Variants in CTNNA3 observed in about 807,000 individuals in gnomAD.
The protein encoded by CTNNA3 is catenin alpha-3.
A neutral mutation model predicts 95.7 loss-of-function variants in CTNNA3; 76 were observed. That is an observed-to-expected ratio of 0.79 (90% confidence interval 0.66 to 0.96). The LOEUF is 0.96. Among genes scored for constraint, CTNNA3 ranks in the 40% least tolerant of loss-of-function variants. CTNNA3 has a pLI of 0.00. For missense variants in CTNNA3, 1,191 were observed against 1,089.8 expected, an observed-to-expected ratio of 1.09 and a Z score of -1.31; for synonymous variants, 431 against 374.4, an observed-to-expected ratio of 1.15 and a Z score of -1.74.
intron 5 of CTNNA3, among the ~76,000 whole-genome samples, chr10:67,409,201 G>A (rs1845271373): frequency 6.6e-6 from 1 of 152,048 alleles, no homozygotes; most frequent in South Asian, 2.1e-4. Flanking sequence ...TCTAGAGGCA[G>A]AACTACCATT....
intron 13 of CTNNA3, among the ~76,000 whole-genome samples, chr10:66,153,910 GT>G (rs992298350): frequency 6.6e-6 from 1 of 150,610 alleles, no homozygotes; most frequent in East Asian, 2.0e-4. Context: ...TACATAATAA[GT>G]TTTTTTGTTT....
intron 15 of CTNNA3, among the ~76,000 whole-genome samples, chr10:66,004,883 C>T (rs1432540584): frequency 6.6e-6 from 1 of 152,212 alleles, no homozygotes; most frequent in Non-Finnish European, 1.5e-5. Context: ...CTTATCGCTG[C>T]TGTAACAAAT....
chr10:66,035,718 G>C (rs2079548620), intron 15 of CTNNA3, among the ~76,000 whole-genome samples: 1 of 151,996 alleles, frequency 6.6e-6, no homozygotes. Flanking sequence ...ACATTTGAGG[G>C]TAGTGACCAT....
chr10:66,370,478 G>A (rs2092745707), intron 12 of CTNNA3, among the ~76,000 whole-genome samples: 1 of 152,104 alleles, frequency 6.6e-6, no homozygotes, highest in Non-Finnish European at 1.5e-5. Flanking sequence ...ATCTTTCAAA[G>A]ATACTTAACT....
chr10:67,500,261 G>C (rs1032865992), intron 5 of CTNNA3, among the ~76,000 whole-genome samples: 2 of 152,202 alleles, frequency 1.3e-5, no homozygotes, highest in Non-Finnish European at 2.9e-5. Context: ...TCTTAAACCT[G>C]AGTTCTAATT....
intron 13 of CTNNA3, among the ~76,000 whole-genome samples, chr10:66,262,207 C>A (rs2091026296): frequency 6.6e-6 from 1 of 151,962 alleles, no homozygotes; most frequent in South Asian, 2.1e-4. Context: ...GGCCTCAAAG[C>A]CCTCCAAGGA....
At chr10:66,388,727 T>C (rs990289689) in intron 11 of CTNNA3, among the ~76,000 whole-genome samples, 2 of 152,124 alleles carry the variant, frequency 1.3e-5, no homozygotes, top group Non-Finnish European at 2.9e-5. Context: ...AAAGCAGCTA[T>C]AGTAAGAATA....
rs555869110 is a variant in CTNNA3, at chr10:66,768,972, CAGTG to C, written c.1129-2560_1129-2557del. 2.1e-3 allele frequency among the ~76,000 whole-genome samples: 325 copies of C among 152,202 alleles called. 1 individual carries two copies. The highest frequency in any genetic ancestry group is 7.4e-3 in the African/African-American group (306 of 41,532). ...TGAATGAGAGATAAGGCAGTAAAGA[CAGTG>C]AGTATAAACTTCTGTTTTTAATAAT... On this transcript the variant is annotated intron_variant, in intron 8 of 17. Coordinates refer to ENST00000433211, the MANE Select transcript of CTNNA3 (RefSeq NM_013266.4).
At chr10:67,142,254 G>A (rs1860603731) in intron 7 of CTNNA3, among the ~76,000 whole-genome samples, 2 of 152,030 alleles carry the variant, frequency 1.3e-5, no homozygotes, top group Admixed American at 1.3e-4. Context: ...GACTTTTTTA[G>A]AAAGTAGAAC....
At position 66,515,472 on chromosome 10, in the gene CTNNA3, T is replaced by C. The variant is rs1319107754; in HGVS notation, c.1531+5145A>G. 2.6e-5 allele frequency among the ~76,000 whole-genome samples: 4 copies of C among 152,004 alleles called. No homozygotes were observed. The East Asian group carries it at 7.7e-4, about 29-fold the overall frequency. On this transcript the variant is annotated intron_variant, in intron 11 of 17. Coordinates refer to ENST00000433211, the MANE Select transcript of CTNNA3 (RefSeq NM_013266.4). ...CAACACAGATACGCTAAGAACTAAC[T>C]TGTCAATTGATCTACCTGACAAAAG...
chr10:67,050,882 A>C (rs145166914), intron 7 of CTNNA3, among the ~76,000 whole-genome samples: 10 of 152,344 alleles, frequency 6.6e-5, no homozygotes, highest in Admixed American at 6.5e-4. Flanking sequence ...TTACTTACAT[A>C]CGTAGCACAA....
chr10:66,343,310 A>C (rs1202020043), intron 12 of CTNNA3, among the ~76,000 whole-genome samples: 1 of 152,122 alleles, frequency 6.6e-6, no homozygotes, highest in African/African-American at 2.4e-5. Flanking sequence ...AACAGGCAAG[A>C]CATGAAATCA....
At chr10:66,488,369 A>G (rs1426118910) in intron 11 of CTNNA3, among the ~76,000 whole-genome samples, 1 of 152,180 alleles carries the variant, frequency 6.6e-6, no homozygotes, top group Non-Finnish European at 1.5e-5. Flanking sequence ...ACTAATCTAT[A>G]TACCTTGAAT....
chr10:67,553,846 G>A (rs1364316923), intron 3 of CTNNA3, among the ~76,000 whole-genome samples: 1 of 151,744 alleles, frequency 6.6e-6, no homozygotes, highest in African/African-American at 2.4e-5. Context: ...TGCCATGTTG[G>A]TGTGCTGCAC....
intron 4 of CTNNA3, among the ~76,000 whole-genome samples, chr10:67,534,536 G>A (rs954042481): frequency 3.3e-5 from 5 of 152,050 alleles, no homozygotes; most frequent in Non-Finnish European, 7.4e-5. Context: ...TGAAGATTTC[G>A]AACATACAAA....
intron 5 of CTNNA3, among the ~76,000 whole-genome samples, chr10:67,316,923 G>T: frequency 6.6e-6 from 1 of 151,902 alleles, no homozygotes; most frequent in Admixed American, 6.6e-5. Context: ...TTTTATTCTG[G>T]CTTTCAAAAT....
At chr10:66,444,722 A>T (rs945641866) in intron 11 of CTNNA3, among the ~76,000 whole-genome samples, 1 of 152,192 alleles carries the variant, frequency 6.6e-6, no homozygotes, top group Non-Finnish European at 1.5e-5. Context: ...GCAAAAACAT[A>T]CCAAAATGTA....
intron 15 of CTNNA3, among the ~76,000 whole-genome samples, chr10:66,055,267 G>T (rs2133550979): frequency 6.6e-6 from 1 of 152,172 alleles, no homozygotes; most frequent in Admixed American, 6.5e-5. Flanking sequence ...GAATGTCATT[G>T]GTATTTTGAC....
chr10:66,662,950 T>G (rs1846314205), intron 9 of CTNNA3, among the ~76,000 whole-genome samples: 1 of 152,072 alleles, frequency 6.6e-6, no homozygotes, highest in African/African-American at 2.4e-5. Flanking sequence ...TTCAATTCAT[T>G]CTATGGTCTT....
Sources: gnomAD v4.1 joint callset for allele counts (sites outside exome capture counted in the v4.1 genomes callset) on GRCh38, gnomAD v4.1.1 for gene constraint, MANE v1.5 for transcripts, NCBI Gene and HGNC (gene_info 2026-07-23, HGNC 2026-07-21) for gene names.